CUEDC1: variants seen among roughly 807,000 people sequenced by gnomAD.
The protein encoded by CUEDC1 is CUE domain containing 1, also known as CUE domain-containing protein 1.
Under a neutral mutation model 43.7 loss-of-function variants are expected in CUEDC1, and 30 were observed. The observed-to-expected ratio is 0.69, with a 90% CI of 0.51 to 0.93. The LOEUF is 0.93. CUEDC1 is among the 40% of genes least tolerant of loss of function. CUEDC1 has a pLI of 0.00. For synonymous variants in CUEDC1, 223 were observed against 223.6 expected (o/e 1.00, Z 0.02); for missense variants, 486 against 549.0 (o/e 0.89, Z 1.15).
At chr17:57,905,260 A>ACACACGCACACG in intron 1 of CUEDC1, among the ~76,000 whole-genome samples, 1 of 145,154 alleles carries the variant, frequency 6.9e-6, no homozygotes, top group East Asian at 2.0e-4. Context: ...ACACACACAC[A>ACACACGCACACG]CACACACACA....
intron 1 of CUEDC1, among the ~76,000 whole-genome samples, chr17:57,931,335 C>A (rs964342732): frequency 2.0e-5 from 3 of 151,970 alleles, no homozygotes; most frequent in African/African-American, 7.2e-5. Flanking sequence ...AGGTACAATT[C>A]GCAGGAAAAA....
rs1782619461 is a variant in CUEDC1, at chr17:57,885,709, T to C, written c.-145A>G. The C allele has an allele frequency of 7.9e-7, 1 of 1,266,116 alleles. No individual in the cohort carries two copies. The highest frequency in any genetic ancestry group is 4.2e-5 in the Admixed American group (1 of 23,598). The allele number at this position is 1,266,116 out of a possible 1,614,324, so 78.4% of individuals were successfully genotyped here. On this transcript the variant is annotated 5_prime_UTR_variant, in exon 2 of 11. Transcript: ENST00000577830. ...TCCTCCCCGGGTAGCCAGGCAGCAATGGGCTGCCAAGAGCTCCGGGTTAGG... is the reference window on the plus strand; with the variant it reads ...TCCTCCCCGGGTAGCCAGGCAGCAACGGGCTGCCAAGAGCTCCGGGTTAGG...
chr17:57,949,937 GCCA>G (rs1403896080), intron 1 of CUEDC1, among the ~76,000 whole-genome samples: 4 of 152,088 alleles, frequency 2.6e-5, no homozygotes, highest in Non-Finnish European at 5.9e-5. Context: ...CCACTTTCTA[GCCA>G]TGTGATCTTG....
intron 1 of CUEDC1, among the ~76,000 whole-genome samples, chr17:57,929,558 C>A (rs554967454): frequency 6.6e-6 from 1 of 152,270 alleles, no homozygotes; most frequent in Admixed American, 6.5e-5. Flanking sequence ...TGTGGACTTC[C>A]CTCTTAGAAC....
chr17:57,925,173 C>T (rs1219906374), intron 1 of CUEDC1, among the ~76,000 whole-genome samples: 4 of 150,592 alleles, frequency 2.7e-5, no homozygotes, highest in Non-Finnish European at 5.9e-5. Flanking sequence ...AGCCGTAGTA[C>T]TGAAATTATC....
chr17:57,868,619 C>T (rs939221425), intron 7 of CUEDC1, among the ~76,000 whole-genome samples: 4 of 152,220 alleles, frequency 2.6e-5, no homozygotes, highest in African/African-American at 4.8e-5. Flanking sequence ...AAAGTTGGTT[C>T]TGGGATTTCC....
chr17:57,951,526 T>G (rs1166583466), intron 1 of CUEDC1, among the ~76,000 whole-genome samples: 1 of 152,044 alleles, frequency 6.6e-6, no homozygotes, highest in Non-Finnish European at 1.5e-5. Flanking sequence ...TGGTGCAATC[T>G]CAGCTCACTG....
chr17:57,927,385 C>T (rs1422528613), intron 1 of CUEDC1, among the ~76,000 whole-genome samples: 1 of 144,952 alleles, frequency 6.9e-6, no homozygotes, highest in Non-Finnish European at 1.5e-5. Context: ...TGCAGAAAGC[C>T]TAGGGAGAAA....
At chr17:57,894,692 C>T (rs747591143) in intron 1 of CUEDC1, among the ~76,000 whole-genome samples, 1 of 152,098 alleles carries the variant, frequency 6.6e-6, no homozygotes, top group Non-Finnish European at 1.5e-5. Flanking sequence ...AGAAAAAATA[C>T]GATTCAAAAA....
At chr17:57,903,404 T>C (rs919785395) in intron 1 of CUEDC1, 7 of 152,268 alleles carry the variant, frequency 4.6e-5, no homozygotes, top group Admixed American at 2.6e-4. Context: ...ATTATTAACA[T>C]GCAGGGCTGA....
chr17:57,896,994 C>G (rs1374387754), intron 1 of CUEDC1, among the ~76,000 whole-genome samples: 1 of 152,152 alleles, frequency 6.6e-6, no homozygotes, highest in Admixed American at 6.5e-5. Context: ...TGGTCTCGAA[C>G]TCCTGACCTC....
rs554939466 is a variant in CUEDC1, at chr17:57,919,606, C to T, written c.-315-33727G>A. Among the ~76,000 whole-genome samples, 21 of 152,226 alleles carry T rather than the reference C, an allele frequency of 1.4e-4. No individual in the cohort carries two copies. In the East Asian group the frequency reaches 2.7e-3, roughly 20 times the overall value. ...TGATCAAAGGCTTAAGCTCCCACAC[C>T]GACAAACCCACTAAGCCATGCACAT... is the stretch of plus-strand genomic sequence containing the variant. On this transcript the variant is annotated intron_variant, in intron 1 of 10. Coordinates refer to ENST00000577830, the MANE Select transcript of CUEDC1 (RefSeq NM_001271875.2).
chr17:57,887,834 G>C (rs1568037716), intron 1 of CUEDC1, among the ~76,000 whole-genome samples: 1 of 149,332 alleles, frequency 6.7e-6, no homozygotes. Context: ...ATCAACCCCT[G>C]AGAAAATCTG....
intron 1 of CUEDC1, among the ~76,000 whole-genome samples, chr17:57,899,133 G>A (rs1555565160): frequency 6.6e-6 from 1 of 151,212 alleles, no homozygotes; most frequent in South Asian, 2.1e-4. Context: ...CAGCAGCTGC[G>A]GCTGGGAGGC....
intron 1 of CUEDC1, among the ~76,000 whole-genome samples, chr17:57,911,481 T>C (rs1391511221): frequency 8.5e-5 from 13 of 152,152 alleles, no homozygotes; most frequent in Admixed American, 7.9e-4. Flanking sequence ...CTCTCCTTCA[T>C]CCTACCAGCT....
At chr17:57,912,026 C>T (rs1472598143) in intron 1 of CUEDC1, among the ~76,000 whole-genome samples, 3 of 152,216 alleles carry the variant, frequency 2.0e-5, no homozygotes, top group Non-Finnish European at 4.4e-5. Context: ...AAGATAAAAA[C>T]CTCTTTTCTT....
Position 57,868,238 on chromosome 17 carries a change from G to C in CUEDC1, c.946C>G (p.Arg316Gly). The C allele has an allele frequency of 1.2e-6, 2 of 1,614,028 alleles. No individual in the cohort carries two copies. The highest frequency in any genetic ancestry group is 1.1e-5 in the South Asian group (1 of 91,078). ...DKLKHMGKSTRRKLFELARAF... is the reference protein window; with the variant it reads ...DKLKHMGKSTGRKLFELARAF... ...CGGGCAAGTTCAAACAGTTTCCTCC[G>C]GGTGGCTGGGGGCAGAGAGACCTGT... is the stretch of plus-strand genomic sequence containing the variant. The change falls in exon 8 of 11, where the codon CGG (arginine) becomes GGG (glycine). Residue 316 changes from arginine to glycine, a missense_variant. Coordinates refer to ENST00000577830, the MANE Select transcript of CUEDC1 (RefSeq NM_001271875.2).
At chr17:57,936,853 G>A (rs2074867115) in intron 1 of CUEDC1, among the ~76,000 whole-genome samples, 1 of 140,160 alleles carries the variant, frequency 7.1e-6, no homozygotes. Flanking sequence ...ACGGTGTCTC[G>A]CTGTATCACC....
At chr17:57,886,120 C>G (rs990518878) in intron 1 of CUEDC1, among the ~76,000 whole-genome samples, 7 of 152,220 alleles carry the variant, frequency 4.6e-5, no homozygotes, top group Admixed American at 1.3e-4. Context: ...ATCCTAAGTG[C>G]TCTATGTGGG....
Sources: allele counts gnomAD v4.1 joint callset (sites outside exome capture counted in the v4.1 genomes callset), GRCh38; gene constraint gnomAD v4.1.1; transcripts MANE v1.5; gene names NCBI Gene and HGNC (gene_info 2026-07-23, HGNC 2026-07-21).